Variants in SLC36A1 observed in about 807,000 individuals in gnomAD.
SLC36A1 encodes the protein solute carrier family 36 member 1.
SLC36A1 carries 30 observed loss-of-function variants against 47.5 expected under a neutral mutation model. The ratio of observed to expected loss-of-function variants is 0.63; its 90% CI spans 0.47 to 0.86. The LOEUF (loss-of-function observed/expected upper bound fraction) is 0.86. SLC36A1 is among the 40% of genes least tolerant of loss of function. The pLI, the probability that SLC36A1 is intolerant of heterozygous loss-of-function variation, is 0.00. For missense variants in SLC36A1, 517 were observed against 606.0 expected, an observed-to-expected ratio of 0.85 and a Z score of 1.54; for synonymous variants, 255 against 249.7, an observed-to-expected ratio of 1.02 and a Z score of -0.20.
At chr5:151,346,442 C>T in the SLC36A1 span, among the ~76,000 whole-genome samples, 1 of 152,156 alleles carries the variant, frequency 6.6e-6, no homozygotes, top group Non-Finnish European at 1.5e-5. Context: ...CATGCACCCT[C>T]CTTTAGTTCA....
chr5:151,509,817 T>G, the SLC36A1 span: 2 of 590,916 alleles, frequency 3.4e-6, no homozygotes, highest in African/African-American at 1.8e-5. Context: ...TTCTCCTGCC[T>G]GGTCCGTGGA....
At chr5:151,506,457 C>T in the SLC36A1 span, among the ~76,000 whole-genome samples, 1 of 148,798 alleles carries the variant, frequency 6.7e-6, no homozygotes, top group African/African-American at 2.4e-5. Context: ...AGGAAACACA[C>T]ACACAGTTTG....
intron 1 of SLC36A1, among the ~76,000 whole-genome samples, chr5:151,455,185 G>C (rs984974926): frequency 6.6e-6 from 1 of 152,042 alleles, no homozygotes; most frequent in Non-Finnish European, 1.5e-5. Flanking sequence ...ATGGAGCCGA[G>C]GTCCACTTAC....
At chr5:151,450,174 G>C (rs1309176460) in intron 1 of SLC36A1, among the ~76,000 whole-genome samples, 2 of 151,798 alleles carry the variant, frequency 1.3e-5, no homozygotes. Flanking sequence ...AGTGGATGGA[G>C]CAGATGTCCG....
At chr5:151,523,349 C>T in the SLC36A1 span, among the ~76,000 whole-genome samples, 1 of 152,082 alleles carries the variant, frequency 6.6e-6, no homozygotes, top group African/African-American at 2.4e-5. Context: ...TATGATAATG[C>T]TGTAAATACA....
At chr5:151,504,146 G>GTC in the SLC36A1 span, 5 of 152,532 alleles carry the variant, frequency 3.3e-5, no homozygotes, top group Non-Finnish European at 7.4e-5. Context: ...ATGAAACTAT[G>GTC]TATCTGTCAC....
the SLC36A1 span, among the ~76,000 whole-genome samples, chr5:151,420,836 A>G: frequency 6.6e-6 from 1 of 151,910 alleles, no homozygotes; most frequent in African/African-American, 2.4e-5. Context: ...ATTATTTTTT[A>G]AGAAATCTTG....
Position 151,488,312 on chromosome 5 carries a change from G to A in SLC36A1, c.*58G>A. The A allele has an allele frequency of 6.3e-7, 1 of 1,579,506 alleles. No individual in the cohort carries two copies. Reference sequence around the variant, plus strand: ...CTGCCCCATGTGTCCCCCGTTACCTGTCCTCAGAGCCTCAGGTATGGTCCA... The same window carrying A: ...CTGCCCCATGTGTCCCCCGTTACCTATCCTCAGAGCCTCAGGTATGGTCCA... On this transcript the variant is annotated 3_prime_UTR_variant, in exon 11 of 11. Transcript: ENST00000243389.
chr5:151,356,339 C>CA, the SLC36A1 span, among the ~76,000 whole-genome samples: 3,013 of 51,270 alleles, frequency 0.059, 210 homozygotes, highest in Non-Finnish European at 0.1. Context: ...CTCTGTCTCA[C>CA]AAAAAAAAAA....
chr5:151,447,148 A>C (rs1283190125), upstream of SLC36A1, among the ~76,000 whole-genome samples: 5 of 152,246 alleles, frequency 3.3e-5, no homozygotes, highest in Admixed American at 6.5e-5. Context: ...CCATTTAAAA[A>C]TGTTACTTTA....
At chr5:151,416,789 T>G in the SLC36A1 span, among the ~76,000 whole-genome samples, 5 of 152,178 alleles carry the variant, frequency 3.3e-5, no homozygotes, top group Non-Finnish European at 5.9e-5. Flanking sequence ...CCAAATCTCA[T>G]CTTGAATTGT....
At chr5:151,543,791 G>A in the SLC36A1 span, 1 of 1,614,176 alleles carries the variant, frequency 6.2e-7, no homozygotes, top group South Asian at 1.1e-5. Flanking sequence ...GAAGAGTCCA[G>A]GTGCTTTTTG....
the SLC36A1 span, among the ~76,000 whole-genome samples, chr5:151,538,969 G>T: frequency 6.6e-6 from 1 of 151,986 alleles, no homozygotes; most frequent in Admixed American, 6.6e-5. Context: ...TACAGACGTG[G>T]ATGGAAGTTT....
At chr5:151,513,768 T>A in the SLC36A1 span, among the ~76,000 whole-genome samples, 1 of 152,240 alleles carries the variant, frequency 6.6e-6, no homozygotes, top group Non-Finnish European at 1.5e-5. Context: ...AAAAAAATTA[T>A]TTAATTAATT....
chr5:151,523,262 ATAC>A, the SLC36A1 span, among the ~76,000 whole-genome samples: 4,036 of 152,336 alleles, frequency 0.026, 80 homozygotes, highest in Non-Finnish European at 0.044. Flanking sequence ...AGTTACAACA[ATAC>A]TACTACTACC....
intron 1 of SLC36A1, among the ~76,000 whole-genome samples, chr5:151,458,352 T>C (rs77976877): frequency 0.14 from 17,004 of 121,452 alleles, 1,498 homozygotes; most frequent in East Asian, 0.42. Context: ...TATATATATA[T>C]ATATACACAC....
chr5:151,473,614 C>G (rs1757624632), intron 7 of SLC36A1, 59 bp from the exon 8 acceptor site: 2 of 1,148,288 alleles, frequency 1.7e-6, no homozygotes. Flanking sequence ...GAGTTCAAAT[C>G]TTGAATTTCT....
chr5:151,454,253 C>T (rs1754120765), intron 1 of SLC36A1, among the ~76,000 whole-genome samples: 1 of 152,024 alleles, frequency 6.6e-6, no homozygotes, highest in African/African-American at 2.4e-5. Context: ...TAGTACAACC[C>T]TCATTTAGAC....
At chr5:151,554,212 C>G in the SLC36A1 span, 5 of 713,608 alleles carry the variant, frequency 7.0e-6, no homozygotes, top group Middle Eastern at 4.0e-4. Flanking sequence ...TTGGCTGAAG[C>G]TGAGACTCCC....
Sources: gnomAD v4.1 joint callset for allele counts (sites outside exome capture counted in the v4.1 genomes callset) on GRCh38, gnomAD v4.1.1 for gene constraint, MANE v1.5 for transcripts, NCBI Gene and HGNC (gene_info 2026-07-23, HGNC 2026-07-21) for gene names.